Variants in PPP3CA observed in about 807,000 individuals in gnomAD.
PPP3CA encodes CAM-PRP catalytic subunit.
PPP3CA carries 14 observed loss-of-function variants against 66.5 expected under a neutral mutation model. The observed-to-expected ratio is 0.21, with a 90% CI of 0.14 to 0.33. The LOEUF is 0.33. Among genes scored for constraint, PPP3CA ranks in the 10% least tolerant of loss-of-function variants. PPP3CA has a pLI of 1.00. For synonymous variants in PPP3CA, 232 were observed against 226.2 expected (o/e 1.03, Z -0.23); for missense variants, 317 against 639.5 (o/e 0.50, Z 5.44).
intron 1 of PPP3CA, among the ~76,000 whole-genome samples, chr4:101,273,176 G>A (rs1727385989): frequency 6.6e-6 from 1 of 152,094 alleles, no homozygotes. Context: ...GTGTTTCTAA[G>A]TCAAGAATCT....
chr4:101,102,814 G>A (rs951301051), intron 3 of PPP3CA, among the ~76,000 whole-genome samples: 1 of 152,126 alleles, frequency 6.6e-6, no homozygotes, highest in Non-Finnish European at 1.5e-5. Context: ...CAAATTTTCA[G>A]TGAATTAATT....
At chr4:101,226,658 C>T (rs1725791843) in intron 1 of PPP3CA, among the ~76,000 whole-genome samples, 1 of 151,700 alleles carries the variant, frequency 6.6e-6, no homozygotes, top group South Asian at 2.1e-4. Context: ...TGAAACCTGG[C>T]ACATCCTTTA....
At chr4:101,246,550 T>G (rs961186667) in intron 1 of PPP3CA, among the ~76,000 whole-genome samples, 1 of 152,164 alleles carries the variant, frequency 6.6e-6, no homozygotes, top group Non-Finnish European at 1.5e-5. Context: ...AAATCTTAAT[T>G]AGAAACAAAT....
intron 13 of PPP3CA, among the ~76,000 whole-genome samples, chr4:101,027,765 A>G (rs1033287064): frequency 6.6e-6 from 1 of 152,182 alleles, no homozygotes; most frequent in Non-Finnish European, 1.5e-5. Context: ...TTAAAAGCCA[A>G]TAGGGTGGGA....
intron 1 of PPP3CA, among the ~76,000 whole-genome samples, chr4:101,333,581 G>A (rs1729520398): frequency 6.6e-6 from 1 of 152,032 alleles, no homozygotes; most frequent in Non-Finnish European, 1.5e-5. Context: ...ATAGCGCTAG[G>A]CACAGAATGG....
intron 1 of PPP3CA, among the ~76,000 whole-genome samples, chr4:101,239,621 TA>T (rs892591530): frequency 6.6e-6 from 1 of 152,026 alleles, no homozygotes; most frequent in African/African-American, 2.4e-5. Context: ...AAGTAGACAG[TA>T]AAAATGCTAA....
intron 2 of PPP3CA, among the ~76,000 whole-genome samples, chr4:101,179,117 C>G (rs976007116): frequency 6.6e-6 from 1 of 152,026 alleles, no homozygotes; most frequent in Non-Finnish European, 1.5e-5. Flanking sequence ...AACTATCTCT[C>G]GAACGATCAC....
intron 1 of PPP3CA, among the ~76,000 whole-genome samples, chr4:101,334,379 C>A (rs1432517323): frequency 1.3e-5 from 2 of 152,112 alleles, no homozygotes; most frequent in African/African-American, 4.8e-5. Flanking sequence ...AGGAGATCCA[C>A]CCACCCGGCC....
At chr4:101,159,673 T>A (rs1347919039) in intron 2 of PPP3CA, among the ~76,000 whole-genome samples, 2 of 152,080 alleles carry the variant, frequency 1.3e-5, no homozygotes, top group Non-Finnish European at 2.9e-5. Context: ...ATAATGCCCC[T>A]AGTCTTAAAA....
chr4:101,173,869 A>G (rs776728213), intron 2 of PPP3CA, among the ~76,000 whole-genome samples: 6 of 152,064 alleles, frequency 3.9e-5, no homozygotes, highest in Non-Finnish European at 8.8e-5. Flanking sequence ...TAGGCAGCAG[A>G]GCAAGACCTT....
chr4:101,189,615 TAACAGTACTTTTTTCACAGGGTTA>T (rs1724526188), intron 2 of PPP3CA, among the ~76,000 whole-genome samples: 1 of 141,182 alleles, frequency 7.1e-6, no homozygotes, highest in Non-Finnish European at 1.5e-5. Flanking sequence ...ATGGAACTGA[TAACAGTACTTTTTTCACAGGGTTA>T]TGTGAACACT....
chr4:101,334,979 C>A (rs532130702), intron 1 of PPP3CA, among the ~76,000 whole-genome samples: 1 of 152,306 alleles, frequency 6.6e-6, no homozygotes, highest in East Asian at 1.9e-4. Flanking sequence ...GCAATTTATA[C>A]AAAATGCCCA....
At chr4:101,229,379 G>A (rs548202271) in intron 1 of PPP3CA, among the ~76,000 whole-genome samples, 24 of 151,658 alleles carry the variant, frequency 1.6e-4, no homozygotes, top group Admixed American at 2.6e-4. Context: ...ACAAGGTTCT[G>A]GATGCTGCTG....
intron 8 of PPP3CA, among the ~76,000 whole-genome samples, chr4:101,066,418 T>C (rs1422540985): frequency 2.6e-5 from 4 of 152,126 alleles, no homozygotes; most frequent in Non-Finnish European, 4.4e-5. Context: ...CAGATCTGAA[T>C]GATGTTAACA....
At chr4:101,118,682 C>T (rs190730766) in intron 2 of PPP3CA, among the ~76,000 whole-genome samples, 1 of 152,010 alleles carries the variant, frequency 6.6e-6, no homozygotes, top group African/African-American at 2.4e-5. Context: ...TGTATTCCTC[C>T]TGTTTGACCT....
In PPP3CA at chr4:101,098,636, A is replaced by G. The variant is rs2110253854; in HGVS notation, c.497-124T>C. The G allele has an allele frequency of 3.9e-6, 3 of 759,798 alleles. No individual in the cohort carries two copies. In the East Asian group the frequency reaches 1.0e-4, roughly 26 times the overall value. 47.1% of individuals were successfully genotyped at this position (759,798 alleles called of 1,614,324 possible). On this transcript the variant is annotated intron_variant, in intron 4 of 13. Transcript: ENST00000394854. Reference sequence around the variant, plus strand: ...TTATTAACATAAAGGCACATACTACAAAATTCCAAAACATAATTAAGATTT... The same window carrying G: ...TTATTAACATAAAGGCACATACTACGAAATTCCAAAACATAATTAAGATTT...
chr4:101,250,446 T>C, intron 1 of PPP3CA: 2 of 430,662 alleles, frequency 4.6e-6, no homozygotes, highest in South Asian at 3.4e-5. Flanking sequence ...ATTGTTATGT[T>C]ACATAGAAAG....
At chr4:101,112,683 T>C (rs1405156994) in intron 2 of PPP3CA, among the ~76,000 whole-genome samples, 1 of 152,182 alleles carries the variant, frequency 6.6e-6, no homozygotes, top group Non-Finnish European at 1.5e-5. Flanking sequence ...AAGTCTCACA[T>C]ACACGTCACA....
chr4:101,232,418 T>C (rs1245919151), intron 1 of PPP3CA, among the ~76,000 whole-genome samples: 1 of 151,656 alleles, frequency 6.6e-6, no homozygotes, highest in Admixed American at 6.6e-5. Context: ...GTTGGAATTA[T>C]TTTCTTCAAA....
Sources: gnomAD v4.1 joint callset for allele counts (sites outside exome capture counted in the v4.1 genomes callset) on GRCh38, gnomAD v4.1.1 for gene constraint, MANE v1.5 for transcripts, NCBI Gene and HGNC (gene_info 2026-07-23, HGNC 2026-07-21) for gene names.